Variants in ST8SIA5 observed in about 807,000 individuals in gnomAD.
ST8SIA5 encodes alpha-2,8-sialyltransferase 8E.
Under a neutral mutation model 40.2 loss-of-function variants are expected in ST8SIA5, and 24 were observed. That is an observed-to-expected ratio of 0.60 (90% confidence interval 0.43 to 0.84). ST8SIA5 has a LOEUF of 0.84. Ranked by LOEUF, ST8SIA5 falls within the 40% of genes least tolerant of loss-of-function variation. The pLI, the probability that ST8SIA5 is intolerant of heterozygous loss-of-function variation, is 0.00. For synonymous variants in ST8SIA5, 198 were observed against 201.8 expected, an observed-to-expected ratio of 0.98 and a Z score of 0.16; for missense variants, 465 against 498.5, an observed-to-expected ratio of 0.93 and a Z score of 0.64.
At chr18:46,695,300 G>C (rs1002443692) in intron 2 of ST8SIA5, among the ~76,000 whole-genome samples, 1 of 152,142 alleles carries the variant, frequency 6.6e-6, no homozygotes, top group East Asian at 1.9e-4. Context: ...GGCAGGGGAG[G>C]GGTGATTGCA....
Position 46,756,894 on chromosome 18 carries a change from G to C in ST8SIA5, c.-386C>G. 2 of 217,598 alleles carry C rather than the reference G, an allele frequency of 9.2e-6. No homozygotes were observed. The highest frequency in any genetic ancestry group is 1.8e-5 in the Non-Finnish European group (2 of 110,796). 13.5% of individuals were successfully genotyped at this position (217,598 alleles called of 1,614,324 possible). A position where few individuals can be genotyped will look rare whatever the true frequency, so the allele number is the denominator to read the frequency against. On this transcript the variant is annotated 5_prime_UTR_variant, in exon 1 of 7. Coordinates refer to ENST00000315087, the MANE Select transcript of ST8SIA5 (RefSeq NM_013305.6). ...GCGGCCAATGGGGAGCAAGACCCGG[G>C]CTCCGTCCCCTGTGCGCCCCAGCGC...
rs115206837 is a variant in ST8SIA5 at position 46,686,213 on chromosome 18, C to T, written c.530G>A (p.Arg177His). The stretch of plus-strand genomic sequence containing the variant: ...GGCGCTGTTGATCTCCCTCCCGCAG[C>T]GGCTGTTCTTCAAGATGCCTCCGTT... ...VGNGGILKNS[R>H]CGREINSADF... The change falls in exon 5 of 7, where the codon CGC becomes CAC. Residue 177 changes from arginine to histidine, a missense_variant. Coordinates refer to ENST00000315087, the MANE Select transcript of ST8SIA5 (RefSeq NM_013305.6). 9.1e-4 allele frequency: 1,462 copies of T among 1,614,144 alleles called. 13 individuals carry two copies. In the African/African-American group the frequency reaches 0.017, roughly 18 times the overall value.
At chr18:46,736,943 T>C (rs1239654907) in intron 1 of ST8SIA5, among the ~76,000 whole-genome samples, 1 of 151,900 alleles carries the variant, frequency 6.6e-6, no homozygotes, top group Non-Finnish European at 1.5e-5. Flanking sequence ...GTGGGCCCCC[T>C]GGAAGGAGCC....
intron 2 of ST8SIA5, among the ~76,000 whole-genome samples, chr18:46,696,519 C>T (rs539364648): frequency 2.3e-4 from 35 of 152,342 alleles, no homozygotes; most frequent in Non-Finnish European, 4.9e-4. Flanking sequence ...GGACACCCAG[C>T]CTTGAATCCT....
intron 2 of ST8SIA5, among the ~76,000 whole-genome samples, chr18:46,693,978 C>CTTACACTTGGTTTTGCGG (rs1317148685): frequency 6.6e-6 from 1 of 152,230 alleles, no homozygotes; most frequent in African/African-American, 2.4e-5. Context: ...CCTGCTTTCA[C>CTTACACTTGGTTTTGCGG]TTACACTTGG....
chr18:46,703,369 C>T (rs1194070715), intron 2 of ST8SIA5, among the ~76,000 whole-genome samples: 2 of 152,060 alleles, frequency 1.3e-5, no homozygotes, highest in African/African-American at 2.4e-5. Flanking sequence ...AGGATGGTCT[C>T]GATCTCCTGA....
intron 1 of ST8SIA5, among the ~76,000 whole-genome samples, chr18:46,719,450 G>T (rs2039829105): frequency 6.6e-6 from 1 of 152,198 alleles, no homozygotes; most frequent in South Asian, 2.1e-4. Context: ...AGGAAGAAAG[G>T]CAGAGGAGAA....
Position 46,677,806 on chromosome 18 carries a change from C to A in ST8SIA5, c.*2236G>T, listed in dbSNP as rs556135704. ...GTCTGTGTCACCAGGGAGCCTCCCC[C>A]AAACACTGCCCATCTGGAACATAAC... On this transcript the variant is annotated 3_prime_UTR_variant, in exon 7 of 7. Transcript: ENST00000315087. 1 of 152,262 alleles carries A rather than the reference C, an allele frequency of 6.6e-6. No homozygotes were observed. Among genetic ancestry groups the A allele is most frequent in the South Asian group, 2.1e-4 (1 of 4,830 alleles). The allele number at this position is 152,262 out of a possible 1,614,324, so 9.4% of individuals were successfully genotyped here. A position where few individuals can be genotyped will look rare whatever the true frequency, so the allele number is the denominator to read the frequency against.
intron 3 of ST8SIA5, among the ~76,000 whole-genome samples, chr18:46,690,614 T>G (rs1440948260): frequency 1.2e-4 from 2 of 16,852 alleles, no homozygotes; most frequent in Non-Finnish European, 2.2e-4. Context: ...CTGCTGAGAC[T>G]TTTTTTTTTT....
At chr18:46,682,583 T>C (rs2144461613) in intron 5 of ST8SIA5, among the ~76,000 whole-genome samples, 1 of 152,298 alleles carries the variant, frequency 6.6e-6, no homozygotes, top group South Asian at 2.1e-4. Flanking sequence ...AGCCCCATAG[T>C]AGGAAGAGTA....
intron 6 of ST8SIA5, among the ~76,000 whole-genome samples, chr18:46,680,932 C>T (rs528317262): frequency 4.4e-4 from 67 of 152,296 alleles, no homozygotes; most frequent in African/African-American, 1.6e-3. Context: ...TTGGCTCAGA[C>T]GCTTCCTCTC....
intron 2 of ST8SIA5, among the ~76,000 whole-genome samples, chr18:46,700,831 G>C (rs1381934930): frequency 6.6e-6 from 1 of 152,152 alleles, no homozygotes; most frequent in Non-Finnish European, 1.5e-5. Flanking sequence ...TCCATAACAG[G>C]GACAAGTGAT....
At chr18:46,685,005 C>G (rs866293796) in intron 5 of ST8SIA5, among the ~76,000 whole-genome samples, 1 of 152,034 alleles carries the variant, frequency 6.6e-6, no homozygotes, top group Non-Finnish European at 1.5e-5. Context: ...GCGCAGTTGC[C>G]GGCACTAACT....
chr18:46,710,852 G>T (rs1475968915), intron 1 of ST8SIA5, among the ~76,000 whole-genome samples: 2 of 152,126 alleles, frequency 1.3e-5, no homozygotes, highest in African/African-American at 4.8e-5. Context: ...GCTGCTACAA[G>T]ATGAGGTCCA....
chr18:46,697,827 GAAGA>G (rs1293924280), intron 2 of ST8SIA5, among the ~76,000 whole-genome samples: 2 of 151,964 alleles, frequency 1.3e-5, no homozygotes, highest in African/African-American at 2.4e-5. Flanking sequence ...AGAGAAAGTT[GAAGA>G]GTCTGGACAC....
intron 1 of ST8SIA5, among the ~76,000 whole-genome samples, chr18:46,708,111 A>G (rs562040726): frequency 7.8e-4 from 119 of 152,192 alleles, no homozygotes; most frequent in African/African-American, 2.7e-3. Flanking sequence ...CACAGGAACT[A>G]CCCCAAAAAT....
intron 2 of ST8SIA5, among the ~76,000 whole-genome samples, chr18:46,694,933 C>A (rs1041613272): frequency 1.3e-5 from 2 of 151,696 alleles, no homozygotes; most frequent in South Asian, 2.1e-4. Flanking sequence ...CCGAGGCGGG[C>A]GGATCATCTG....
intron 1 of ST8SIA5, among the ~76,000 whole-genome samples, chr18:46,720,388 G>T (rs980867134): frequency 1.3e-5 from 2 of 152,096 alleles, no homozygotes; most frequent in African/African-American, 2.4e-5. Context: ...AGACCCTCCA[G>T]CCCAGGCCAC....
chr18:46,744,857 C>T (rs1380134959), intron 1 of ST8SIA5, among the ~76,000 whole-genome samples: 4 of 152,200 alleles, frequency 2.6e-5, no homozygotes, highest in African/African-American at 9.6e-5. Context: ...GAAATCACAA[C>T]AAACTGTCTC....
Sources: allele counts gnomAD v4.1 joint callset (sites outside exome capture counted in the v4.1 genomes callset), GRCh38; gene constraint gnomAD v4.1.1; transcripts MANE v1.5; gene names NCBI Gene and HGNC (gene_info 2026-07-23, HGNC 2026-07-21).